Variants in TMED4 observed in about 807,000 individuals in gnomAD.
The protein encoded by TMED4 is transmembrane p24 trafficking protein 4.
A neutral mutation model predicts 26.5 loss-of-function variants in TMED4; 19 were observed. That is an observed-to-expected ratio of 0.72 (90% CI 0.50 to 1.05). The LOEUF (loss-of-function observed/expected upper bound fraction) is 1.05, where lower values mean the gene tolerates loss of function less well. Among genes scored for constraint, TMED4 ranks in the 50% least tolerant of loss-of-function variants. TMED4 has a pLI of 0.00. For missense variants in TMED4, 303 were observed against 302.5 expected, an observed-to-expected ratio of 1.00 and a Z score of -0.01; for synonymous variants, 121 against 119.8, an observed-to-expected ratio of 1.01 and a Z score of -0.07.
In TMED4 at chr7:44,578,936, T is replaced by G. The variant is rs192208311; in HGVS notation, c.*543A>C. ...AACTGCATTGGTATTTTGAGCTAGT[T>G]ACAGGCAGTAACACTTCTACTAGGA... On this transcript the variant is annotated 3_prime_UTR_variant, in exon 5 of 5. Coordinates refer to ENST00000457408, the MANE Select transcript of TMED4 (RefSeq NM_182547.4). 1.3e-5 allele frequency: 2 copies of G among 151,102 alleles called. No individual in the cohort carries two copies. Among genetic ancestry groups the G allele is most frequent in the Non-Finnish European group, 2.9e-5 (2 of 67,924 alleles). The allele number at this position is 151,102 out of a possible 1,614,324, so 9.4% of individuals were successfully genotyped here.
Position 44,579,536 on chromosome 7 carries a change from A to G in TMED4, c.627T>C (p.Thr209=). The change falls in exon 5 of 5, where the codon ACT becomes ACC. Residue 209 remains threonine (T), a synonymous_variant. Coordinates refer to ENST00000457408, the MANE Select transcript of TMED4 (RefSeq NM_182547.4). ...TGAGGTGACGCATCTGCCAGATGCC[A>G]GTGAGGATGAGGATGACAGTCTGAG... ...SIAQTVILIL[T]GIWQMRHLKS... 6.2e-7 allele frequency: 1 copy of G among 1,614,170 alleles called. No individual in the cohort carries two copies. The highest frequency in any genetic ancestry group is 8.5e-7 in the Non-Finnish European group (1 of 1,180,014).
Position 44,581,218 on chromosome 7 carries a change from C to G in TMED4, c.409G>C (p.Val137Leu). The G allele has an allele frequency of 1.9e-6, 3 of 1,614,130 alleles. No homozygotes were observed. Among genetic ancestry groups the G allele is most frequent in the Non-Finnish European group, 2.5e-6 (3 of 1,180,032 alleles). The change falls in exon 4 of 5, where the codon GTT (valine) becomes CTT (leucine). Residue 137 changes from valine to leucine, a missense_variant. By Grantham distance (32) the Val-to-Leu change is conservative (BLOSUM62 1). Coordinates refer to ENST00000457408, the MANE Select transcript of TMED4 (RefSeq NM_182547.4). ...GGGTAGTTGTTGGCATGCTCCCCAA[C>G]CTGGATGTCGAGATGCACCCGCTAC... is the stretch of plus-strand genomic sequence containing the variant. ...GKLRVHLDIQVGEHANNYPEI... is the reference protein window; with the variant it reads ...GKLRVHLDIQLGEHANNYPEI...
rs1184246390 is a variant in TMED4, at chr7:44,579,373, CT to C, written c.*105del. 13 of 1,317,682 alleles carry C rather than the reference CT, an allele frequency of 9.9e-6. No individual in the cohort carries two copies. The African/African-American group carries it at 1.5e-4, about 15-fold the overall frequency. The allele number at this position is 1,317,682 out of a possible 1,614,324, so 81.6% of individuals were successfully genotyped here. A position where few individuals can be genotyped will look rare whatever the true frequency, so the allele number is the denominator to read the frequency against. ...GTTTGTGGCCATGGAACCAATGTGA[CT>C]TATTCTTTTTCATTTTTTTCCCTAA... On this transcript the variant is annotated 3_prime_UTR_variant, in exon 5 of 5. Coordinates refer to ENST00000457408, the MANE Select transcript of TMED4 (RefSeq NM_182547.4).
chr7:44,581,259 G>A lies in TMED4; in HGVS notation c.388-20C>T. Reference sequence around the variant, plus strand: ...CACCCGCTACAAGGAAACATGGAATGTATGAGTGGTGGGGCCTCCAGTTGT... The same window carrying A: ...CACCCGCTACAAGGAAACATGGAATATATGAGTGGTGGGGCCTCCAGTTGT... On this transcript the variant is annotated intron_variant, in intron 3 of 4. Coordinates refer to ENST00000457408, the MANE Select transcript of TMED4 (RefSeq NM_182547.4). The A allele has an allele frequency of 6.2e-7, 1 of 1,613,636 alleles. No homozygotes were observed. The highest frequency in any genetic ancestry group is 8.5e-7 in the Non-Finnish European group (1 of 1,179,628).
rs1164640199 is a variant in TMED4 at position 44,582,189 on chromosome 7, A to C, written c.18T>G (p.Ala6=). 2 of 1,545,768 alleles carry C rather than the reference A, an allele frequency of 1.3e-6. No homozygotes were observed. The highest frequency in any genetic ancestry group is 1.7e-6 in the Non-Finnish European group (2 of 1,146,044). MAGVG[A]GPLRAMGRQA... ...GCCGCCCCATCGCCCGCAGAGGCCC[A>C]GCCCCGACACCTGCCATCGCGCCTC... The change falls in exon 1 of 5, where the codon GCT becomes GCG. Residue 6 remains alanine (A), a synonymous_variant. Transcript: ENST00000457408.
intron 1 of TMED4, 54 bp from the exon 2 acceptor site, chr7:44,581,877 G>C (rs1358688415): frequency 6.3e-7 from 1 of 1,597,126 alleles, no homozygotes; most frequent in Non-Finnish European, 8.6e-7. Flanking sequence ...CTCTCCGCCC[G>C]GCCCCCTCCG....
rs1802907862 is a variant in TMED4, at chr7:44,579,280, AT to A, written c.*198del. On this transcript the variant is annotated 3_prime_UTR_variant, in exon 5 of 5. Transcript: ENST00000457408. ...GATTCCTCACAAGCCCTAAGACAAG[AT>A]TTTGAAAGATTGGACTAATGTCATG... is the stretch of plus-strand genomic sequence containing the variant. 2.0e-6 allele frequency: 1 copy of A among 501,686 alleles called. No homozygotes were observed. Among genetic ancestry groups the A allele is most frequent in the African/African-American group, 1.9e-5 (1 of 51,812 alleles). 31.1% of individuals were successfully genotyped at this position (501,686 alleles called of 1,614,324 possible). A position where few individuals can be genotyped will look rare whatever the true frequency, so the allele number is the denominator to read the frequency against.
Position 44,582,149 on chromosome 7 carries a change from G to T in TMED4, c.58C>A (p.Leu20Ile), listed in dbSNP as rs1280219738. 1 of 1,550,300 alleles carries T rather than the reference G, an allele frequency of 6.5e-7. No homozygotes were observed. Among genetic ancestry groups the T allele is most frequent in the East Asian group, 2.4e-5 (1 of 40,918 alleles). Residue 20 changes from leucine (L) to isoleucine (I), a missense_variant, in exon 1 of 5, where the codon CTC (leucine) becomes ATC (isoleucine). Physicochemically the swap from Leu to Ile is conservative, Grantham distance 5. Transcript: ENST00000457408. ...TGGGCGCCTGTGGCGCACAGCGCGA[G>T]AAGCAGCAGGGCCTGCCGCCCCATC... Reference protein sequence around the residue: ...RAMGRQALLLLALCATGAQGL... With the variant: ...RAMGRQALLLIALCATGAQGL...
Position 44,581,511 on chromosome 7 carries a change from C to T in TMED4, c.325G>A (p.Asp109Asn). Residue 109 changes from aspartate (D) to asparagine (N), a missense_variant, in exon 3 of 5, where the codon GAC (aspartate) becomes AAC (asparagine). By Grantham distance (23) the Asp-to-Asn change is conservative. Transcript: ENST00000457408. ...RFTFTSHTPG[D>N]HQICLHSNST... ...TTGGAGTGCAGACAGATTTGATGGTCACCGGGCGTGTGGGAGGTGAACGTG... is the reference window on the plus strand; with the variant it reads ...TTGGAGTGCAGACAGATTTGATGGTTACCGGGCGTGTGGGAGGTGAACGTG... The T allele has an allele frequency of 6.2e-7, 1 of 1,614,206 alleles. No homozygotes were observed.
In TMED4 at chr7:44,578,013, G is replaced by A. The variant is rs1357581768; in HGVS notation, c.*1466C>T. ...TAAGTTTTATATAGAAGGGCATGAG[G>A]GAAGTGTATTAAAATTTGTTCAAAT... is the stretch of plus-strand genomic sequence containing the variant. On this transcript the variant is annotated 3_prime_UTR_variant, in exon 5 of 5. Transcript: ENST00000457408. 6.6e-6 allele frequency: 1 copy of A among 152,044 alleles called. No homozygotes were observed. The highest frequency in any genetic ancestry group is 1.5e-5 in the Non-Finnish European group (1 of 68,012). 9.4% of individuals were successfully genotyped at this position (152,044 alleles called of 1,614,324 possible).
In TMED4 at chr7:44,581,457, C is replaced by T. The variant is rs781716719; in HGVS notation, c.379G>A (p.Gly127Ser). 11 of 1,614,078 alleles carry T rather than the reference C, an allele frequency of 6.8e-6. No individual in the cohort carries two copies. In the East Asian group the frequency reaches 2.2e-4, roughly 33 times the overall value. The change falls in exon 3 of 5, where the codon GGC (glycine) becomes AGC (serine). Residue 127 changes from glycine (G) to serine (S), a missense_variant. By Grantham distance (56) the Gly-to-Ser change is moderately conservative. Transcript: ENST00000457408. Reference sequence around the variant, plus strand: ...AGAGAAAATCCTCTTACCAGTTTGCCACCAGCGAAGAGAGCCATCCTGGTA... The same window carrying T: ...AGAGAAAATCCTCTTACCAGTTTGCTACCAGCGAAGAGAGCCATCCTGGTA... Reference protein sequence around the residue: ...NSTRMALFAGGKLRVHLDIQV... With the variant: ...NSTRMALFAGSKLRVHLDIQV...
In TMED4 at chr7:44,581,574, C is replaced by T; in HGVS notation, c.262G>A (p.Val88Met). The T allele has an allele frequency of 6.2e-7, 1 of 1,614,216 alleles. No individual in the cohort carries two copies. Among genetic ancestry groups the T allele is most frequent in the Non-Finnish European group, 8.5e-7 (1 of 1,180,050 alleles). ...GAGCCGTACTGCCGGGACAGCACCA[C>T]CTGCAACATATGTGAGTGAAGGCCC... ...HVEVKDPDGKVVLSRQYGSEG... is the reference protein window; with the variant it reads ...HVEVKDPDGKMVLSRQYGSEG... The change falls in exon 3 of 5, where the codon GTG becomes ATG. Residue 88 changes from valine to methionine, a missense_variant and splice_region_variant. Physicochemically the swap from Val to Met is conservative, Grantham distance 21 (BLOSUM62 1). Coordinates refer to ENST00000457408, the MANE Select transcript of TMED4 (RefSeq NM_182547.4).
At chr7:44,579,892 A>G in intron 4 of TMED4, 1 of 320,366 alleles carries the variant, frequency 3.1e-6, no homozygotes, top group Non-Finnish European at 5.7e-6. Flanking sequence ...GGCAATGGCT[A>G]TTACTAGATT....
At chr7:44,581,285 CTG>C in intron 3 of TMED4, 46 bp from the exon 4 acceptor site, 7 of 1,610,710 alleles carry the variant, frequency 4.3e-6, no homozygotes, top group Non-Finnish European at 5.9e-6. Flanking sequence ...CTCCAGTTGT[CTG>C]TTCCAGGGTA....
Position 44,581,732 on chromosome 7 carries a change from G to C in TMED4, c.252C>G (p.Pro84=). 1 of 1,614,172 alleles carries C rather than the reference G, an allele frequency of 6.2e-7. No individual in the cohort carries two copies. Among genetic ancestry groups the C allele is most frequent in the South Asian group, 1.1e-5 (1 of 91,088 alleles). Residue 84 remains proline (P), a synonymous_variant, in exon 2 of 5, where the codon CCC becomes CCG. Transcript: ENST00000457408. The part of the protein sequence containing the change: ...GLGMHVEVKD[P]DGKVVLSRQY... Reference sequence around the variant, plus strand: ...CCAACGCCAGCCTTACCTTGCCGTCGGGGTCCTTCACTTCCACGTGCATGC... The same window carrying C: ...CCAACGCCAGCCTTACCTTGCCGTCCGGGTCCTTCACTTCCACGTGCATGC...
At position 44,581,252 on chromosome 7, in the gene TMED4, A is replaced by G; in HGVS notation, c.388-13T>C. On this transcript the variant is annotated splice_polypyrimidine_tract_variant and intron_variant, in intron 3 of 4. Transcript: ENST00000457408. ...CGAGATGCACCCGCTACAAGGAAAC[A>G]TGGAATGTATGAGTGGTGGGGCCTC... 5.6e-6 allele frequency: 9 copies of G among 1,613,924 alleles called. No homozygotes were observed. The highest frequency in any genetic ancestry group is 6.8e-6 in the Non-Finnish European group (8 of 1,179,858).
In TMED4 at chr7:44,579,359, T is replaced by C; in HGVS notation, c.*120A>G. On this transcript the variant is annotated 3_prime_UTR_variant, in exon 5 of 5. Transcript: ENST00000457408. ...GGCTGATCTGAATGGTTTGTGGCCA[T>C]GGAACCAATGTGACTTATTCTTTTT... is the stretch of plus-strand genomic sequence containing the variant. 2 of 1,144,822 alleles carry C rather than the reference T, an allele frequency of 1.7e-6. No individual in the cohort carries two copies. The highest frequency in any genetic ancestry group is 3.2e-5 in the South Asian group (2 of 62,524). 70.9% of individuals were successfully genotyped at this position (1,144,822 alleles called of 1,614,324 possible).
chr7:44,579,581 C>T lies in TMED4; in HGVS notation c.582G>A (p.Arg194=), dbSNP rs764726788. 1 of 1,614,006 alleles carries T rather than the reference C, an allele frequency of 6.2e-7. No homozygotes were observed. The highest frequency in any genetic ancestry group is 8.5e-7 in the Non-Finnish European group (1 of 1,179,946). The part of the protein sequence containing the change: ...FRLTSESTNQ[R]VLWWSIAQTV... ...TCTGAGCAATGGACCACCATAGGAC[C>T]CTCTGGTTGGTGCTCTCGCTCGTCA... The change falls in exon 5 of 5, where the codon AGG becomes AGA. Residue 194 remains arginine (R), a synonymous_variant. Transcript: ENST00000457408.
chr7:44,577,940 T>G lies in TMED4; in HGVS notation c.*1539A>C, dbSNP rs1802862945. ...ATTTAATAAATATTTCAAATAAATATATAATAAAAACTGAAATAAAATGTC... is the reference window on the plus strand; with the variant it reads ...ATTTAATAAATATTTCAAATAAATAGATAATAAAAACTGAAATAAAATGTC... On this transcript the variant is annotated 3_prime_UTR_variant, in exon 5 of 5. Coordinates refer to ENST00000457408, the MANE Select transcript of TMED4 (RefSeq NM_182547.4). 6.6e-6 allele frequency: 1 copy of G among 152,038 alleles called. No homozygotes were observed. Among genetic ancestry groups the G allele is most frequent in the South Asian group, 2.1e-4 (1 of 4,834 alleles). 9.4% of individuals were successfully genotyped at this position (152,038 alleles called of 1,614,324 possible). A position where few individuals can be genotyped will look rare whatever the true frequency, so the allele number is the denominator to read the frequency against.
Sources: gnomAD v4.1 joint callset for allele counts on GRCh38, gnomAD v4.1.1 for gene constraint, MANE v1.5 for transcripts, NCBI Gene and HGNC (gene_info 2026-07-23, HGNC 2026-07-21) for gene names.